ADGB: variants seen among roughly 807,000 people sequenced by gnomAD.
ADGB encodes androglobin.
ADGB carries 172 observed loss-of-function variants against 210.5 expected under a neutral mutation model. The ratio of observed to expected loss-of-function variants is 0.82; its 90% CI spans 0.72 to 0.93. ADGB has a LOEUF of 0.93. Among genes scored for constraint, ADGB ranks in the 40% least tolerant of loss-of-function variants. The pLI is 0.00. For missense variants in ADGB, 2,025 were observed against 1,964.8 expected, an observed-to-expected ratio of 1.03 and a Z score of -0.58; for synonymous variants, 658 against 662.7, an observed-to-expected ratio of 0.99 and a Z score of 0.11.
intron 10 of ADGB, among the ~76,000 whole-genome samples, chr6:146,690,270 T>C (rs898510713): frequency 2.0e-5 from 3 of 152,158 alleles, no homozygotes; most frequent in Admixed American, 1.3e-4. Context: ...AAATTTGCAA[T>C]CTGGATTGTG....
At chr6:146,710,934 C>T (rs1776649228) in intron 13 of ADGB, among the ~76,000 whole-genome samples, 1 of 152,080 alleles carries the variant, frequency 6.6e-6, no homozygotes, top group South Asian at 2.1e-4. Flanking sequence ...CCCTCGGCAC[C>T]TGTGAAAATG....
intron 35 of ADGB, among the ~76,000 whole-genome samples, chr6:146,809,639 T>C (rs577994207): frequency 6.6e-6 from 1 of 152,038 alleles, no homozygotes; most frequent in African/African-American, 2.4e-5. Context: ...AACCACCACA[T>C]CCAGCTTAAA....
chr6:146,648,211 C>CT (rs1389062473), intron 3 of ADGB, among the ~76,000 whole-genome samples: 2 of 151,920 alleles, frequency 1.3e-5, no homozygotes, highest in South Asian at 4.2e-4. Flanking sequence ...TTTTATTTAC[C>CT]TTTTTTTACT....
intron 21 of ADGB, 36 bp downstream of exon 21, chr6:146,733,291 C>T: frequency 7.0e-7 from 1 of 1,431,140 alleles, no homozygotes; most frequent in Non-Finnish European, 9.3e-7. Context: ...TCAAGGAATT[C>T]CTAGTTTTAA....
chr6:146,606,987 G>A (rs952269374), intron 1 of ADGB, among the ~76,000 whole-genome samples: 11 of 152,252 alleles, frequency 7.2e-5, no homozygotes, highest in Admixed American at 3.9e-4. Flanking sequence ...ATTGCTTTGG[G>A]CAGCATGGTC....
At chr6:146,742,887 C>T (rs550709916) in intron 25 of ADGB, among the ~76,000 whole-genome samples, 134 of 149,186 alleles carry the variant, frequency 9.0e-4, no homozygotes, top group African/African-American at 3.2e-3. Flanking sequence ...TTTTGTGATT[C>T]TTTTTTTTTT....
intron 17 of ADGB, among the ~76,000 whole-genome samples, chr6:146,722,917 CATTCTTTT>C (rs961443023): frequency 6.6e-6 from 1 of 152,144 alleles, no homozygotes; most frequent in African/African-American, 2.4e-5. Context: ...CACAAAACTT[CATTCTTTT>C]ATTCTTTGGC....
intron 3 of ADGB, among the ~76,000 whole-genome samples, chr6:146,648,278 C>T (rs1775650797): frequency 6.6e-6 from 1 of 151,958 alleles, no homozygotes; most frequent in Non-Finnish European, 1.5e-5. Context: ...TCTTGAACTC[C>T]TGCACTCAAG....
At chr6:146,614,507 G>A (rs1780761994) in intron 1 of ADGB, among the ~76,000 whole-genome samples, 1 of 151,922 alleles carries the variant, frequency 6.6e-6, no homozygotes, top group African/African-American at 2.4e-5. Flanking sequence ...TTATATAAAC[G>A]GAATCAAACC....
At chr6:146,734,177 C>T (rs1583613108) in intron 22 of ADGB, 147 bp downstream of exon 22, 5 of 849,640 alleles carry the variant, frequency 5.9e-6, no homozygotes, top group Non-Finnish European at 8.9e-6. Context: ...AATCAGGAAG[C>T]ATGTCCAATG....
At chr6:146,629,400 C>T (rs1583565692) in intron 1 of ADGB, among the ~76,000 whole-genome samples, 1 of 152,184 alleles carries the variant, frequency 6.6e-6, no homozygotes, top group South Asian at 2.1e-4. Flanking sequence ...TAGGAGACAC[C>T]TCTAATGAGA....
intron 1 of ADGB, among the ~76,000 whole-genome samples, chr6:146,632,204 A>G (rs1296623147): frequency 6.6e-6 from 1 of 152,184 alleles, no homozygotes; most frequent in African/African-American, 2.4e-5. Flanking sequence ...TCCTTTCTGT[A>G]GGCTCTAGGA....
At position 146,788,540 on chromosome 6, in the gene ADGB, T is replaced by G. The variant is rs1394767907; in HGVS notation, c.4467T>G (p.Ser1489Arg). 6.4e-7 allele frequency: 1 copy of G among 1,551,388 alleles called. No individual in the cohort carries two copies. The highest frequency in any genetic ancestry group is 1.2e-5 in the South Asian group (1 of 84,052). The change falls in exon 33 of 36, where the codon AGT becomes AGG. Residue 1489 changes from serine to arginine, a missense_variant. Physicochemically the swap from Ser to Arg is moderately radical, Grantham distance 110. Transcript: ENST00000397944. ...KGLRDVAKSTSSESGGVSSPG... is the reference protein window; with the variant it reads ...KGLRDVAKSTRSESGGVSSPG... ...TGAGGGATGTGGCAAAATCCACGAG[T>G]AGCGAAAGTGGAGGAGTGTCTTCAC...
chr6:146,622,450 A>G (rs1297610863), intron 1 of ADGB, among the ~76,000 whole-genome samples: 2 of 152,258 alleles, frequency 1.3e-5, no homozygotes, highest in East Asian at 3.9e-4. Context: ...ACTATCCCAT[A>G]TATCATCACA....
intron 3 of ADGB, among the ~76,000 whole-genome samples, chr6:146,647,115 A>AC (rs1233334722): frequency 3.8e-4 from 56 of 148,020 alleles, no homozygotes; most frequent in African/African-American, 1.2e-3. Flanking sequence ...CAAAAAACAA[A>AC]AAACAAACAA....
At chr6:146,649,503 T>A (rs1033424151) in intron 3 of ADGB, among the ~76,000 whole-genome samples, 1 of 151,588 alleles carries the variant, frequency 6.6e-6, no homozygotes, top group Admixed American at 6.6e-5. Context: ...ACTAATTTTT[T>A]TTTTTTTGAG....
intron 33 of ADGB, among the ~76,000 whole-genome samples, chr6:146,798,357 G>C (rs1778075649): frequency 6.6e-6 from 1 of 152,070 alleles, no homozygotes; most frequent in African/African-American, 2.4e-5. Flanking sequence ...TAAAAATAAT[G>C]CACGAACAGT....
intron 1 of ADGB, among the ~76,000 whole-genome samples, chr6:146,627,586 C>A (rs1412816750): frequency 6.6e-6 from 1 of 152,116 alleles, no homozygotes; most frequent in African/African-American, 2.4e-5. Flanking sequence ...TCCTATGGGG[C>A]TGGGCACAGT....
At position 146,782,076 on chromosome 6, in the gene ADGB, A is replaced by G. The variant is rs772480345; in HGVS notation, c.3919A>G (p.Ile1307Val). ...INLGSPDSHTISEGQKSSVTS... is the reference protein window; with the variant it reads ...INLGSPDSHTVSEGQKSSVTS... Reference sequence around the variant, plus strand: ...CTTAGGAAGCCCAGACTCCCACACTATTAGTGAGGGACAAAAATCTTCAGT... The same window carrying G: ...CTTAGGAAGCCCAGACTCCCACACTGTTAGTGAGGGACAAAAATCTTCAGT... Residue 1307 changes from isoleucine to valine, a missense_variant, in exon 30 of 36, where the codon ATT becomes GTT. By Grantham distance (29) the Ile-to-Val change is conservative. Coordinates refer to ENST00000397944, the MANE Select transcript of ADGB (RefSeq NM_024694.4). 25 of 1,547,608 alleles carry G rather than the reference A, an allele frequency of 1.6e-5. No homozygotes were observed. The South Asian group carries it at 2.9e-4, about 18-fold the overall frequency.
Sources: gnomAD v4.1 joint callset for allele counts (sites outside exome capture counted in the v4.1 genomes callset) on GRCh38, gnomAD v4.1.1 for gene constraint, MANE v1.5 for transcripts, NCBI Gene and HGNC (gene_info 2026-07-23, HGNC 2026-07-21) for gene names.